The following SLC30A8 variants were observed in gnomAD, a reference collection of about 807,000 sequenced individuals.
SLC30A8 encodes proton-coupled zinc antiporter SLC30A8.
A neutral mutation model predicts 36.9 loss-of-function variants in SLC30A8; 27 were observed. The ratio of observed to expected loss-of-function variants is 0.73; its 90% CI spans 0.54 to 1.01. SLC30A8 has a LOEUF of 1.01. SLC30A8 is among the 50% of genes least tolerant of loss of function. The pLI is 0.00. For missense variants in SLC30A8, 439 were observed against 452.0 expected, an observed-to-expected ratio of 0.97 and a Z score of 0.26; for synonymous variants, 164 against 172.4, an observed-to-expected ratio of 0.95 and a Z score of 0.38.
At chr8:117,121,502 T>C (rs1432795000) in intron 2 of SLC30A8, among the ~76,000 whole-genome samples, 1 of 151,908 alleles carries the variant, frequency 6.6e-6, no homozygotes, top group Non-Finnish European at 1.5e-5. Context: ...TGCCTTCTTG[T>C]TGTGTCCTCA....
intron 2 of SLC30A8, among the ~76,000 whole-genome samples, chr8:117,086,425 G>A (rs1488424406): frequency 6.6e-6 from 1 of 152,178 alleles, no homozygotes; most frequent in Non-Finnish European, 1.5e-5. Flanking sequence ...TTCCCACAGT[G>A]TGGAAAACTA....
intron 1 of SLC30A8, among the ~76,000 whole-genome samples, chr8:117,009,246 A>T (rs1419734634): frequency 6.6e-6 from 1 of 152,190 alleles, no homozygotes; most frequent in African/African-American, 2.4e-5. Flanking sequence ...GTGGAATTGC[A>T]AATACTCTTA....
intron 1 of SLC30A8, among the ~76,000 whole-genome samples, chr8:116,961,424 G>T (rs10107060): frequency 2.0e-5 from 3 of 151,892 alleles, no homozygotes; most frequent in Non-Finnish European, 2.9e-5. Context: ...GCAAGACTCC[G>T]TCTCAAAACA....
At chr8:117,003,448 CA>C (rs575617091) in intron 1 of SLC30A8, among the ~76,000 whole-genome samples, 17 of 152,276 alleles carry the variant, frequency 1.1e-4, no homozygotes, top group African/African-American at 3.9e-4. Context: ...TTAAAATGCA[CA>C]TAAAGCTTTG....
chr8:117,016,075 A>G (rs1390648685), intron 1 of SLC30A8, among the ~76,000 whole-genome samples: 1 of 152,132 alleles, frequency 6.6e-6, no homozygotes, highest in Non-Finnish European at 1.5e-5. Flanking sequence ...GCATAAGGTT[A>G]CTTTCAGCCA....
intron 2 of SLC30A8, among the ~76,000 whole-genome samples, chr8:117,058,399 G>C (rs913153719): frequency 3.9e-5 from 6 of 152,034 alleles, no homozygotes; most frequent in Non-Finnish European, 8.8e-5. Context: ...AGTCCCACTT[G>C]TCTGTTTTTG....
At chr8:117,058,160 A>G (rs1243650230) in intron 2 of SLC30A8, among the ~76,000 whole-genome samples, 2 of 152,064 alleles carry the variant, frequency 1.3e-5, no homozygotes, top group African/African-American at 2.4e-5. Context: ...ACCTTTTTGT[A>G]TGTCTGTTGG....
intron 1 of SLC30A8, among the ~76,000 whole-genome samples, chr8:117,033,864 G>T (rs1010461120): frequency 1.9e-4 from 29 of 152,162 alleles, no homozygotes; most frequent in African/African-American, 7.0e-4. Context: ...CCTTGATTCT[G>T]GCCTAGTGAG....
At chr8:117,005,900 G>A (rs180935842) in intron 1 of SLC30A8, among the ~76,000 whole-genome samples, 8 of 152,228 alleles carry the variant, frequency 5.3e-5, no homozygotes, top group African/African-American at 1.7e-4. Context: ...GACAGATACT[G>A]CATCCAGTTT....
chr8:117,153,160 G>A (rs1586595060), intron 3 of SLC30A8, 70 bp downstream of exon 3: 3 of 1,438,114 alleles, frequency 2.1e-6, no homozygotes, highest in Non-Finnish European at 2.8e-6. Context: ...AAAAGTGGAA[G>A]ACACGAAGCA....
intron 1 of SLC30A8, among the ~76,000 whole-genome samples, chr8:116,969,388 C>G (rs1247863456): frequency 1.3e-5 from 2 of 152,144 alleles, no homozygotes; most frequent in East Asian, 3.9e-4. Context: ...ACTGCACAAA[C>G]TTGGGCAAGT....
intron 1 of SLC30A8, chr8:117,018,380 G>C (rs1816589096): frequency 6.6e-6 from 1 of 151,934 alleles, no homozygotes; most frequent in African/African-American, 2.4e-5. Context: ...AAATCATTGA[G>C]CTATTTTATA....
At chr8:117,016,816 C>T (rs565777305) in intron 1 of SLC30A8, among the ~76,000 whole-genome samples, 19 of 152,092 alleles carry the variant, frequency 1.2e-4, no homozygotes, top group Non-Finnish European at 2.5e-4. Context: ...ATTCTTTCTC[C>T]ATTTATTCTG....
chr8:117,116,782 A>G lies in SLC30A8; in HGVS notation c.-225-18498A>G, dbSNP rs73702967. 4.0e-3 allele frequency among the ~76,000 whole-genome samples: 602 copies of G among 152,142 alleles called. 3 individuals are homozygous for G. The highest frequency in any genetic ancestry group is 0.014 in the African/African-American group (571 of 41,552). ...GTTCTGATGGTTTAGTTTACACTCA[A>G]GTGTCCATAGGAGACAGTGACTTCA... On this transcript the variant is annotated intron_variant, in intron 2 of 10. Transcript: ENST00000427715.
At chr8:117,096,101 T>C (rs146273544) in intron 2 of SLC30A8, among the ~76,000 whole-genome samples, 90 of 152,308 alleles carry the variant, frequency 5.9e-4, no homozygotes, top group African/African-American at 2.0e-3. Context: ...CCAGGAATTC[T>C]AGAAAGGAGA....
rs769119495 is a variant in SLC30A8 at position 117,157,862 on chromosome 8, C to A, written c.572+18C>A. 3 of 1,612,848 alleles carry A rather than the reference C, an allele frequency of 1.9e-6. No individual in the cohort carries two copies. Among genetic ancestry groups the A allele is most frequent in the Non-Finnish European group, 1.7e-6 (2 of 1,179,456 alleles). On this transcript the variant is annotated intron_variant, in intron 4 of 7. Coordinates refer to ENST00000456015, the MANE Select transcript of SLC30A8 (RefSeq NM_173851.3). The stretch of plus-strand genomic sequence containing the variant: ...AACATTGTGTAAGTCATCCCCTGGT[C>A]CCCACACACTGCTCATGAGGCTCTC...
intron 2 of SLC30A8, among the ~76,000 whole-genome samples, chr8:117,051,636 A>G (rs1817711805): frequency 6.6e-6 from 1 of 151,798 alleles, no homozygotes; most frequent in East Asian, 1.9e-4. Flanking sequence ...ACACGGTGAA[A>G]CCCCATCTCT....
At chr8:116,982,842 C>G (rs189773032) in intron 1 of SLC30A8, among the ~76,000 whole-genome samples, 1 of 152,170 alleles carries the variant, frequency 6.6e-6, no homozygotes, top group East Asian at 1.9e-4. Flanking sequence ...GAACCTGCAT[C>G]AATTTATACT....
chr8:117,158,335 A>G (rs1399130714), intron 4 of SLC30A8, among the ~76,000 whole-genome samples: 1 of 152,168 alleles, frequency 6.6e-6, no homozygotes, highest in Non-Finnish European at 1.5e-5. Context: ...CTTCCCAGTG[A>G]GCTGGGTGGA....
Sources: gnomAD v4.1 joint callset for allele counts (sites outside exome capture counted in the v4.1 genomes callset) on GRCh38, gnomAD v4.1.1 for gene constraint, MANE v1.5 for transcripts, NCBI Gene and HGNC (gene_info 2026-07-23, HGNC 2026-07-21) for gene names.